The following TMTC1 variants were observed in gnomAD, a reference collection of about 807,000 sequenced individuals.
TMTC1 encodes protein O-mannosyl-transferase TMTC1.
TMTC1 carries 73 observed loss-of-function variants against 104.8 expected under a neutral mutation model. That is an observed-to-expected ratio of 0.70 (90% CI 0.58 to 0.85). The LOEUF is 0.85. Ranked by LOEUF, TMTC1 falls within the 40% of genes least tolerant of loss-of-function variation. The pLI is 0.00. For synonymous variants in TMTC1, 434 were observed against 428.7 expected, an observed-to-expected ratio of 1.01 and a Z score of -0.15; for missense variants, 1,035 against 1,096.1, an observed-to-expected ratio of 0.94 and a Z score of 0.79.
At position 29,562,993 on chromosome 12, in the gene TMTC1, C is replaced by T. The variant is rs12824420; in HGVS notation, c.1533-5993G>A. 9.5e-3 allele frequency among the ~76,000 whole-genome samples: 1,447 copies of T among 152,248 alleles called. 17 individuals are homozygous for T. Among genetic ancestry groups the T allele is most frequent in the South Asian group, 0.038 (181 of 4,824 alleles). On this transcript the variant is annotated intron_variant, in intron 9 of 17. Coordinates refer to ENST00000539277, the MANE Select transcript of TMTC1 (RefSeq NM_001193451.2). ...TAGCTTTCAACTTGCTCCCATCAGTCAAAATTACACCCATTATTTCTTCAT... is the reference window on the plus strand; with the variant it reads ...TAGCTTTCAACTTGCTCCCATCAGTTAAAATTACACCCATTATTTCTTCAT...
chr12:29,651,037 C>CG (rs1565740465), intron 5 of TMTC1, among the ~76,000 whole-genome samples: 1 of 152,138 alleles, frequency 6.6e-6, no homozygotes, highest in Non-Finnish European at 1.5e-5. Flanking sequence ...CTGAGGCACA[C>CG]GGGGGGCTAC....
At chr12:29,710,676 T>A (rs12231112) in intron 5 of TMTC1, among the ~76,000 whole-genome samples, 8,664 of 141,164 alleles carry the variant, frequency 0.061, 350 homozygotes, top group Middle Eastern at 0.16. Flanking sequence ...TTTATATTTA[T>A]ATATTTATAA....
chr12:29,630,885 AAGGAT>A (rs1197939571), intron 6 of TMTC1, among the ~76,000 whole-genome samples: 19 of 152,202 alleles, frequency 1.2e-4, no homozygotes, highest in Non-Finnish European at 2.4e-4. Context: ...AGTAATGTAT[AAGGAT>A]TCCAGTTGCT....
intron 5 of TMTC1, among the ~76,000 whole-genome samples, chr12:29,669,822 G>A (rs964506711): frequency 6.6e-6 from 1 of 152,170 alleles, no homozygotes; most frequent in Non-Finnish European, 1.5e-5. Context: ...GTGTCAAAGA[G>A]CTTTTCGATT....
intron 5 of TMTC1, among the ~76,000 whole-genome samples, chr12:29,670,712 T>C (rs1940470738): frequency 1.3e-5 from 2 of 151,234 alleles, no homozygotes. Flanking sequence ...GCAGACTGCT[T>C]GAGCTTAGGA....
chr12:29,727,338 C>T (rs371958355), intron 5 of TMTC1, among the ~76,000 whole-genome samples: 4 of 152,012 alleles, frequency 2.6e-5, no homozygotes, highest in African/African-American at 9.7e-5. Flanking sequence ...ACTTGGGGGA[C>T]CAAAACCCTG....
At chr12:29,680,750 T>A (rs944158663) in intron 5 of TMTC1, among the ~76,000 whole-genome samples, 1 of 152,174 alleles carries the variant, frequency 6.6e-6, no homozygotes, top group Admixed American at 6.5e-5. Flanking sequence ...ACAAGAGATA[T>A]GGTGCCTTGT....
chr12:29,736,485 T>C (rs555051740), intron 5 of TMTC1, among the ~76,000 whole-genome samples: 12 of 152,232 alleles, frequency 7.9e-5, no homozygotes, highest in African/African-American at 2.6e-4. Context: ...AGTGGCGCGA[T>C]CTGGGCTCAC....
At position 29,659,584 on chromosome 12, in the gene TMTC1, C is replaced by T. The variant is rs148971452; in HGVS notation, c.939-26248G>A. ...CCATCAGAATAGTAGGCCAAATAAACGCTTTTCTTTATAAATTACCTAGTC... is the reference window on the plus strand; with the variant it reads ...CCATCAGAATAGTAGGCCAAATAAATGCTTTTCTTTATAAATTACCTAGTC... On this transcript the variant is annotated intron_variant, in intron 5 of 17. Transcript: ENST00000539277. Among the ~76,000 whole-genome samples, 19 of 152,268 alleles carry T rather than the reference C, an allele frequency of 1.2e-4. 1 individual carries two copies. Among genetic ancestry groups the T allele is most frequent in the East Asian group, 7.7e-4 (4 of 5,184 alleles).
intron 5 of TMTC1, among the ~76,000 whole-genome samples, chr12:29,666,570 G>A (rs566509007): frequency 7.9e-5 from 12 of 152,056 alleles, no homozygotes; most frequent in East Asian, 1.9e-4. Context: ...TTACCCTCTC[G>A]TGGTAGATCA....
intron 10 of TMTC1, among the ~76,000 whole-genome samples, chr12:29,539,466 C>T (rs376011107): frequency 7.2e-5 from 11 of 152,194 alleles, no homozygotes; most frequent in African/African-American, 2.4e-4. Flanking sequence ...TTCTAGACCT[C>T]TGCTTTCATA....
rs1054572921 is a variant in TMTC1, at chr12:29,505,743, G to A, written c.*1103C>T. On this transcript the variant is annotated 3_prime_UTR_variant, in exon 18 of 18. Transcript: ENST00000539277. ...TAGATCTTTACCCTAGATTTTTAGA[G>A]CATTCTCCATAATATTCTCAAAACA... 1.3e-5 allele frequency: 2 copies of A among 151,702 alleles called. No homozygotes were observed. Among genetic ancestry groups the A allele is most frequent in the Non-Finnish European group, 2.9e-5 (2 of 67,938 alleles). The allele number at this position is 151,702 out of a possible 1,614,324, so 9.4% of individuals were successfully genotyped here.
chr12:29,615,720 G>T (rs1381155237), intron 6 of TMTC1, among the ~76,000 whole-genome samples: 2 of 152,112 alleles, frequency 1.3e-5, no homozygotes, highest in Non-Finnish European at 2.9e-5. Flanking sequence ...AATATAATTG[G>T]TTTCAAGGTC....
chr12:29,605,938 C>T (rs1946686974), intron 6 of TMTC1, among the ~76,000 whole-genome samples: 1 of 152,116 alleles, frequency 6.6e-6, no homozygotes, highest in African/African-American at 2.4e-5. Context: ...GTTTAGCTCC[C>T]ACTTATAAGT....
At chr12:29,617,603 G>A (rs1418743442) in intron 6 of TMTC1, among the ~76,000 whole-genome samples, 1 of 151,566 alleles carries the variant, frequency 6.6e-6, no homozygotes, top group Non-Finnish European at 1.5e-5. Flanking sequence ...GGAAAAGAGA[G>A]AAAGAGACCA....
chr12:29,716,020 TTATTATTATTA>T (rs1942070211), intron 5 of TMTC1, among the ~76,000 whole-genome samples: 1 of 146,884 alleles, frequency 6.8e-6, no homozygotes, highest in Non-Finnish European at 1.5e-5. Context: ...ATTATTATTA[TTATTATTATTA>T]TTTTAGAAAC....
intron 6 of TMTC1, among the ~76,000 whole-genome samples, chr12:29,620,798 G>A (rs1355702372): frequency 6.6e-6 from 1 of 152,188 alleles, no homozygotes; most frequent in Non-Finnish European, 1.5e-5. Context: ...AACATTATCA[G>A]CACAGGAAAA....
At chr12:29,765,361 C>A (rs955213536) in intron 2 of TMTC1, among the ~76,000 whole-genome samples, 1 of 152,120 alleles carries the variant, frequency 6.6e-6, no homozygotes, top group Non-Finnish European at 1.5e-5. Context: ...TGAAGCTCAT[C>A]ATCTTCCATT....
chr12:29,712,859 A>G (rs1242988950), intron 5 of TMTC1, among the ~76,000 whole-genome samples: 1 of 152,202 alleles, frequency 6.6e-6, no homozygotes, highest in African/African-American at 2.4e-5. Context: ...CTACTGGTCT[A>G]CCTTCAACTT....
Sources: gnomAD v4.1 joint callset for allele counts (sites outside exome capture counted in the v4.1 genomes callset) on GRCh38, gnomAD v4.1.1 for gene constraint, MANE v1.5 for transcripts, NCBI Gene and HGNC (gene_info 2026-07-23, HGNC 2026-07-21) for gene names.